BRS3: variants seen among roughly 807,000 people sequenced by gnomAD.
The protein encoded by BRS3 is bombesin receptor subtype 3, also known as bombesin receptor subtype-3.
A neutral mutation model predicts 18.8 loss-of-function variants in BRS3; 5 were observed. That is an observed-to-expected ratio of 0.27 (90% CI 0.14 to 0.56). The LOEUF is 0.56. Among genes scored for constraint, BRS3 ranks in the 20% least tolerant of loss-of-function variants. The pLI is 0.93. For missense variants in BRS3, 215 were observed against 296.3 expected (o/e 0.73, Z 2.01); for synonymous variants, 121 against 115.0 (o/e 1.05, Z -0.33).
In BRS3 at chrX:136,490,141, C is replaced by T; in HGVS notation, c.443C>T (p.Ala148Val). The T allele has an allele frequency of 1.7e-6, 2 of 1,190,400 alleles. No homozygotes were observed. The highest frequency in any genetic ancestry group is 2.3e-6 in the Non-Finnish European group (2 of 882,760). ...LTILSADRYKAVVKPLERQPS... is the reference protein window; with the variant it reads ...LTILSADRYKVVVKPLERQPS... ...TGATTATGTGTTTCTAGATACAAGGCAGTTGTGAAGCCACTTGAGCGACAG... is the reference window on the plus strand; with the variant it reads ...TGATTATGTGTTTCTAGATACAAGGTAGTTGTGAAGCCACTTGAGCGACAG... The change falls in exon 2 of 3, where the codon GCA (alanine) becomes GTA (valine). Residue 148 changes from alanine (A) to valine (V), a missense_variant. By Grantham distance (64) the Ala-to-Val change is moderately conservative (BLOSUM62 0). Around this residue, in one of 3 missense-constraint regions of BRS3, gnomAD observed 123 missense variants for 207.6 expected, o/e 0.59. Coordinates refer to ENST00000370648, the MANE Select transcript of BRS3 (RefSeq NM_001727.2).
At position 136,490,218 on chromosome X, in the gene BRS3, G is replaced by A. The variant is rs781340230; in HGVS notation, c.520G>A (p.Val174Met). ...TCVKAGCVWIVSMIFALPEAI... is the reference protein window; with the variant it reads ...TCVKAGCVWIMSMIFALPEAI... ...TGTAAAAGCTGGCTGCGTCTGGATC[G>A]TGTCTATGATATTTGCTCTACCTGA... Residue 174 changes from valine to methionine, a missense_variant, in exon 2 of 3, where the codon GTG becomes ATG. By Grantham distance (21) the Val-to-Met change is conservative. Around this residue, in one of 3 missense-constraint regions of BRS3, gnomAD observed 123 missense variants for 207.6 expected, o/e 0.59. Transcript: ENST00000370648. 7 of 1,209,637 alleles carry A rather than the reference G, an allele frequency of 5.8e-6. No individual in the cohort carries two copies. The highest frequency in any genetic ancestry group is 1.8e-5 in the South Asian group (1 of 56,745).
In BRS3 at chrX:136,490,230, T is replaced by C. The variant is rs878863239; in HGVS notation, c.532T>C (p.Phe178Leu). ...AGCVWIVSMIFALPEAIFSNV... is the reference protein window; with the variant it reads ...AGCVWIVSMILALPEAIFSNV... ...CTGCGTCTGGATCGTGTCTATGATA[T>C]TTGCTCTACCTGAGGCTATATTTTC... Residue 178 changes from phenylalanine to leucine, a missense_variant, in exon 2 of 3, where the codon TTT (phenylalanine) becomes CTT (leucine). Phe to Leu is a conservative substitution (Grantham distance 22). Around this residue, in one of 3 missense-constraint regions of BRS3, gnomAD observed 123 missense variants for 207.6 expected, o/e 0.59. Transcript: ENST00000370648. The C allele has an allele frequency of 3.3e-6, 4 of 1,211,662 alleles. No individual in the cohort carries two copies. In the South Asian group the frequency reaches 5.3e-5, roughly 16 times the overall value.
At position 136,492,548 on chromosome X, in the gene BRS3, T is replaced by C. The variant is rs2075674428; in HGVS notation, c.*173T>C. 2 of 423,964 alleles carry C rather than the reference T, an allele frequency of 4.7e-6. No homozygotes were observed. The highest frequency in any genetic ancestry group is 5.0e-5 in the African/African-American group (2 of 39,994). The allele number at this position is 423,964 out of a possible 1,213,427, so 34.9% of individuals were successfully genotyped here. On this transcript the variant is annotated 3_prime_UTR_variant, in exon 3 of 3. Coordinates refer to ENST00000370648, the MANE Select transcript of BRS3 (RefSeq NM_001727.2). ...ACCATTACTTTCTTCAAAGTACAAA[T>C]AGTAATGTCATCGGGCTTTCTAAAT...
rs745804869 is a variant in BRS3, at chrX:136,490,220, G to A, written c.522G>A (p.Val174=). 1.7e-5 allele frequency: 20 copies of A among 1,211,535 alleles called. No homozygotes were observed. Among genetic ancestry groups the A allele is most frequent in the Non-Finnish European group, 2.2e-5 (20 of 895,248 alleles). ...TAAAAGCTGGCTGCGTCTGGATCGTGTCTATGATATTTGCTCTACCTGAGG... is the reference window on the plus strand; with the variant it reads ...TAAAAGCTGGCTGCGTCTGGATCGTATCTATGATATTTGCTCTACCTGAGG... The part of the protein sequence containing the change: ...TCVKAGCVWI[V]SMIFALPEAI... The change falls in exon 2 of 3, where the codon GTG becomes GTA. Residue 174 remains valine (V), a synonymous_variant. Transcript: ENST00000370648.
rs1483836966 is a variant in BRS3 at position 136,493,619 on chromosome X, T to A, written c.*1244T>A. The A allele has an allele frequency of 1.8e-5, 2 of 111,634 alleles. No homozygotes were observed. Among genetic ancestry groups the A allele is most frequent in the Non-Finnish European group, 3.8e-5 (2 of 53,129 alleles). 9.2% of individuals were successfully genotyped at this position (111,634 alleles called of 1,213,427 possible). ...TGGAGTCGTGAACTTTTGCTAATGA[T>A]GTGGCTCCAAAAGGTAATACATATT... On this transcript the variant is annotated 3_prime_UTR_variant, in exon 3 of 3. Transcript: ENST00000370648.
Position 136,488,135 on chromosome X carries a change from C to G in BRS3, c.21C>G (p.His7Gln). 8.3e-7 allele frequency: 1 copy of G among 1,201,801 alleles called. No homozygotes were observed. Among genetic ancestry groups the G allele is most frequent in the Non-Finnish European group, 1.1e-6 (1 of 890,548 alleles). MAQRQP[H>Q]SPNQTLISIT... is the part of the protein sequence containing the mutation. ...AAGAAATGGCTCAAAGGCAGCCTCA[C>G]TCACCTAATCAGACTTTAATTTCAA... The change falls in exon 1 of 3, where the codon CAC becomes CAG. Residue 7 changes from histidine to glutamine, a missense_variant. Physicochemically the swap from His to Gln is conservative, Grantham distance 24 (BLOSUM62 0). Coordinates refer to ENST00000370648, the MANE Select transcript of BRS3 (RefSeq NM_001727.2).
chrX:136,490,181 C>T lies in BRS3; in HGVS notation c.483C>T (p.Ile161=). 1 of 1,208,863 alleles carries T rather than the reference C, an allele frequency of 8.3e-7. No individual in the cohort carries two copies. The highest frequency in any genetic ancestry group is 1.1e-6 in the Non-Finnish European group (1 of 893,368). The part of the protein sequence containing the change: ...KPLERQPSNA[I]LKTCVKAGCV... ...TTGAGCGACAGCCCTCCAATGCCAT[C>T]CTGAAGACTTGTGTAAAAGCTGGCT... The change falls in exon 2 of 3, where the codon ATC becomes ATT. Residue 161 remains isoleucine, a synonymous_variant. Transcript: ENST00000370648.
chrX:136,490,457 T>C lies in BRS3; in HGVS notation c.759T>C (p.Thr253=), dbSNP rs192324772. The part of the protein sequence containing the change: ...TLYKSTLNIP[T]EEQSHARKQI... Reference sequence around the variant, plus strand: ...ACAAAAGCACCCTGAACATACCTACTGAGGAACAAAGCCATGCCCGTAAGC... The same window carrying C: ...ACAAAAGCACCCTGAACATACCTACCGAGGAACAAAGCCATGCCCGTAAGC... Residue 253 remains threonine (T), a synonymous_variant, in exon 2 of 3, where the codon ACT becomes ACC. Transcript: ENST00000370648. 2.5e-5 allele frequency: 29 copies of C among 1,178,076 alleles called. No individual in the cohort carries two copies. The highest frequency in any genetic ancestry group is 3.3e-5 in the Non-Finnish European group (29 of 875,792).
Position 136,488,131 on chromosome X carries a change from C to T in BRS3, c.17C>T (p.Pro6Leu). The change falls in exon 1 of 3, where the codon CCT (proline) becomes CTT (leucine). Residue 6 changes from proline (P) to leucine (L), a missense_variant. Coordinates refer to ENST00000370648, the MANE Select transcript of BRS3 (RefSeq NM_001727.2). ...TCAGAAGAAATGGCTCAAAGGCAGC[C>T]TCACTCACCTAATCAGACTTTAATT... MAQRQ[P>L]HSPNQTLISI... 1 of 1,198,708 alleles carries T rather than the reference C, an allele frequency of 8.3e-7. No homozygotes were observed.
At position 136,493,496 on chromosome X, in the gene BRS3, T is replaced by A; in HGVS notation, c.*1121T>A. ...GTTTCAGAAAAATTTTTGGAGCAAA[T>A]TTAAACATGTTTGGCACTATAGGTA... On this transcript the variant is annotated 3_prime_UTR_variant, in exon 3 of 3. Transcript: ENST00000370648. 1 of 111,798 alleles carries A rather than the reference T, an allele frequency of 8.9e-6. No homozygotes were observed. Among genetic ancestry groups the A allele is most frequent in the Non-Finnish European group, 1.9e-5 (1 of 53,142 alleles). The allele number at this position is 111,798 out of a possible 1,213,427, so 9.2% of individuals were successfully genotyped here. A position where few individuals can be genotyped will look rare whatever the true frequency, so the allele number is the denominator to read the frequency against.
intron 2 of BRS3, 51 bp from the exon 3 acceptor site, chrX:136,491,911 G>GTTTTTTTT: frequency 1.7e-6 from 1 of 600,598 alleles, no homozygotes; most frequent in African/African-American, 6.2e-5. Context: ...GTTGTTTTTT[G>GTTTTTTTT]TGTTTTTTTT....
Position 136,490,227 on chromosome X carries a change from A to G in BRS3, c.529A>G (p.Ile177Val), listed in dbSNP as rs1256946767. 3 of 1,210,036 alleles carry G rather than the reference A, an allele frequency of 2.5e-6. No homozygotes were observed. The highest frequency in any genetic ancestry group is 2.2e-5 in the Admixed American group (1 of 45,862). Reference sequence around the variant, plus strand: ...TGGCTGCGTCTGGATCGTGTCTATGATATTTGCTCTACCTGAGGCTATATT... The same window carrying G: ...TGGCTGCGTCTGGATCGTGTCTATGGTATTTGCTCTACCTGAGGCTATATT... ...KAGCVWIVSM[I>V]FALPEAIFSN... Residue 177 changes from isoleucine to valine, a missense_variant, in exon 2 of 3, where the codon ATA (isoleucine) becomes GTA (valine). Coordinates refer to ENST00000370648, the MANE Select transcript of BRS3 (RefSeq NM_001727.2).
At position 136,492,410 on chromosome X, in the gene BRS3, G is replaced by GT; in HGVS notation, c.*36dup. ...GAAAAATGCTGCTTCTCCTCCCAGC[G>GT]TGTGTATCCGACTCTAAGCTGTGTG... On this transcript the variant is annotated 3_prime_UTR_variant, in exon 3 of 3. Transcript: ENST00000370648. 1 of 1,165,478 alleles carries GT rather than the reference G, an allele frequency of 8.6e-7. No individual in the cohort carries two copies. The highest frequency in any genetic ancestry group is 1.1e-6 in the Non-Finnish European group (1 of 869,673).
At position 136,492,439 on chromosome X, in the gene BRS3, G is replaced by A. The variant is rs898623133; in HGVS notation, c.*64G>A. ...GTATCCGACTCTAAGCTGTGTGCAG[G>A]TGTATGGTGTCCAGATTTTTGTTGT... On this transcript the variant is annotated 3_prime_UTR_variant, in exon 3 of 3. Transcript: ENST00000370648. 2.8e-6 allele frequency: 3 copies of A among 1,072,356 alleles called. No homozygotes were observed. 88.4% of individuals were successfully genotyped at this position (1,072,356 alleles called of 1,213,427 possible). A position where few individuals can be genotyped will look rare whatever the true frequency, so the allele number is the denominator to read the frequency against.
rs748994645 is a variant in BRS3 at position 136,490,262 on chromosome X, A to G, written c.564A>G (p.Val188=). ...TACCTGAGGCTATATTTTCAAATGT[A>G]TACACTTTTCGAGATCCCAATAAAA... is the stretch of plus-strand genomic sequence containing the variant. ...FALPEAIFSN[V]YTFRDPNKNM... The change falls in exon 2 of 3, where the codon GTA becomes GTG. Residue 188 remains valine (V), a synonymous_variant. Transcript: ENST00000370648. The G allele has an allele frequency of 3.7e-5, 45 of 1,209,469 alleles. No homozygotes were observed. The South Asian group carries it at 7.9e-4, about 21-fold the overall frequency.
At position 136,488,339 on chromosome X, in the gene BRS3, C is replaced by G. The variant is rs768750902; in HGVS notation, c.225C>G (p.Thr75=). ...NAILIKVFFK[T]KSMQTVPNIF... is the part of the protein sequence containing the mutation. ...TTCTCATCAAAGTCTTTTTCAAGAC[C>G]AAATCCATGCAAACAGTTCCAAATA... Residue 75 remains threonine, a synonymous_variant, in exon 1 of 3, where the codon ACC becomes ACG. Coordinates refer to ENST00000370648, the MANE Select transcript of BRS3 (RefSeq NM_001727.2). 2 of 1,210,237 alleles carry G rather than the reference C, an allele frequency of 1.7e-6. No individual in the cohort carries two copies. The highest frequency in any genetic ancestry group is 2.2e-6 in the Non-Finnish European group (2 of 895,252).
chrX:136,492,489 G>A lies in BRS3; in HGVS notation c.*114G>A. 1.3e-5 allele frequency: 10 copies of A among 761,751 alleles called. No individual in the cohort carries two copies. The highest frequency in any genetic ancestry group is 1.8e-5 in the Non-Finnish European group (10 of 543,158). 62.8% of individuals were successfully genotyped at this position (761,751 alleles called of 1,213,427 possible). A position where few individuals can be genotyped will look rare whatever the true frequency, so the allele number is the denominator to read the frequency against. ...TTTGAAAAGTGTGTTGAAATCTTAG[G>A]AGTGAAGGATCCCTATAAGTAAGTA... is the stretch of plus-strand genomic sequence containing the variant. On this transcript the variant is annotated 3_prime_UTR_variant, in exon 3 of 3. Coordinates refer to ENST00000370648, the MANE Select transcript of BRS3 (RefSeq NM_001727.2).
intron 2 of BRS3, 41 bp from the exon 3 acceptor site, chrX:136,491,921 T>TTTG (rs2075671536): frequency 1.7e-6 from 1 of 596,526 alleles, no homozygotes; most frequent in Non-Finnish European, 2.1e-6. Context: ...GTGTTTTTTT[T>TTTG]TTTTTTTTTT....
intron 2 of BRS3, among the ~76,000 whole-genome samples, chrX:136,490,820 A>G (rs749059696): frequency 2.7e-5 from 3 of 112,444 alleles, no homozygotes; most frequent in Non-Finnish European, 5.6e-5. Flanking sequence ...GAAGTTTGAG[A>G]GTAGTCAAAA....
Sources: allele counts gnomAD v4.1 joint callset (sites outside exome capture counted in the v4.1 genomes callset), GRCh38; gene constraint gnomAD v4.1.1; regional missense constraint gnomAD v4.1.1; transcripts MANE v1.5; gene names NCBI Gene and HGNC (gene_info 2026-07-23, HGNC 2026-07-21).